EYS: variants seen among roughly 807,000 people sequenced by gnomAD.
EYS encodes protein eyes shut homolog.
A neutral mutation model predicts 282.1 loss-of-function variants in EYS; 250 were observed. That is an observed-to-expected ratio of 0.89 (90% CI 0.80 to 0.98). The LOEUF is 0.98. Among genes scored for constraint, EYS ranks in the 50% least tolerant of loss-of-function variants. The pLI is 0.00. For missense variants in EYS, 4,016 were observed against 3,709.0 expected, an observed-to-expected ratio of 1.08 and a Z score of -2.15; for synonymous variants, 1,355 against 1,282.9, an observed-to-expected ratio of 1.06 and a Z score of -1.20.
intron 33 of EYS, among the ~76,000 whole-genome samples, chr6:64,000,196 T>G (rs1327422619): frequency 9.0e-6 from 1 of 111,648 alleles, no homozygotes; most frequent in Non-Finnish European, 1.8e-5. Context: ...TTTTTTTTTT[T>G]TTTTTTTTTT....
intron 29 of EYS, among the ~76,000 whole-genome samples, chr6:64,350,156 AT>A (rs1338567327): frequency 6.6e-6 from 1 of 151,462 alleles, no homozygotes; most frequent in African/African-American, 2.4e-5. Flanking sequence ...TAATGATAAC[AT>A]TTTTTGTCAT....
chr6:64,263,978 A>G (rs1767673367), intron 30 of EYS, among the ~76,000 whole-genome samples: 1 of 152,172 alleles, frequency 6.6e-6, no homozygotes, highest in South Asian at 2.1e-4. Context: ...TATATTTACA[A>G]AGGCAGATTT....
intron 26 of EYS, among the ~76,000 whole-genome samples, chr6:64,490,477 T>A (rs1241409054): frequency 6.6e-6 from 1 of 150,902 alleles, no homozygotes; most frequent in African/African-American, 2.4e-5. Context: ...GGCAAACTCT[T>A]ATAACTCAGA....
chr6:65,065,598 G>A (rs999612351), intron 12 of EYS, among the ~76,000 whole-genome samples: 1 of 151,644 alleles, frequency 6.6e-6, no homozygotes, highest in Non-Finnish European at 1.5e-5. Context: ...CATTAGCCAG[G>A]ATGGTCTCAA....
intron 29 of EYS, among the ~76,000 whole-genome samples, chr6:64,330,693 A>G (rs1770611005): frequency 6.6e-6 from 1 of 152,196 alleles, no homozygotes; most frequent in African/African-American, 2.4e-5. Flanking sequence ...TAACAAGCTC[A>G]CATTTGGACA....
rs183182973 is a variant in EYS, at chr6:65,360,241, T to C, written c.1300-6624A>G. ...TTCTAAAATATCTTATTCTATCCAA[T>C]TTAAAGAAATGTAATGATCTTTCAA... On this transcript the variant is annotated intron_variant, in intron 8 of 42. Coordinates refer to ENST00000503581, the MANE Select transcript of EYS (RefSeq NM_001142800.2). Among the ~76,000 whole-genome samples the C allele has an allele frequency of 2.0e-5, 3 of 152,092 alleles. No homozygotes were observed. In the East Asian group the frequency reaches 5.8e-4, roughly 29 times the overall value.
At chr6:64,355,934 C>G (rs1483657771) in intron 29 of EYS, among the ~76,000 whole-genome samples, 3 of 151,614 alleles carry the variant, frequency 2.0e-5, no homozygotes, top group Admixed American at 2.0e-4. Flanking sequence ...TGATCAGAAA[C>G]TTTAAGATGC....
rs115152602 is a variant in EYS, at chr6:64,081,433, G to T, written c.6571+423C>A. Among the ~76,000 whole-genome samples, 1,022 of 152,196 alleles carry T rather than the reference G, an allele frequency of 6.7e-3. 10 individuals are homozygous for T. The highest frequency in any genetic ancestry group is 0.023 in the African/African-American group (945 of 41,546). ...AAAACCAGCTTATATCAAGATAATA[G>T]ATGTTACTAAAAGAGTGGTAGGAAT... is the stretch of plus-strand genomic sequence containing the variant. On this transcript the variant is annotated intron_variant, in intron 32 of 42. Transcript: ENST00000503581.
chr6:65,611,895 A>T (rs1165518105), intron 2 of EYS, among the ~76,000 whole-genome samples: 3 of 152,090 alleles, frequency 2.0e-5, no homozygotes, highest in Non-Finnish European at 4.4e-5. Context: ...CTCAAAAGGT[A>T]TATCAACAGA....
At position 64,898,527 on chromosome 6, in the gene EYS, C is replaced by T. The variant is rs370720566; in HGVS notation, c.2846+3586G>A. The stretch of plus-strand genomic sequence containing the variant: ...CAAAATGTAAAGACCATTGACACTA[C>T]GAAGAAACTGCATCAACTAATGGGC... On this transcript the variant is annotated intron_variant, in intron 18 of 42. Coordinates refer to ENST00000503581, the MANE Select transcript of EYS (RefSeq NM_001142800.2). Among the ~76,000 whole-genome samples, 72 of 151,944 alleles carry T rather than the reference C, an allele frequency of 4.7e-4. 1 individual carries two copies. The East Asian group carries it at 6.4e-3, about 13-fold the overall frequency.
At chr6:64,581,241 C>T (rs1375535959) in intron 26 of EYS, among the ~76,000 whole-genome samples, 1 of 151,960 alleles carries the variant, frequency 6.6e-6, no homozygotes, top group African/African-American at 2.4e-5. Context: ...AGGATTCTAA[C>T]ATTTAAGTGG....
chr6:65,488,066 T>G (rs960493250), intron 5 of EYS, among the ~76,000 whole-genome samples: 2 of 152,196 alleles, frequency 1.3e-5, no homozygotes, highest in Admixed American at 1.3e-4. Context: ...CTTCTCTCTT[T>G]TCTTCTTTAG....
At chr6:63,772,479 G>A (rs1006194941) in intron 40 of EYS, among the ~76,000 whole-genome samples, 1 of 151,816 alleles carries the variant, frequency 6.6e-6, no homozygotes, top group African/African-American at 2.4e-5. Context: ...TGCTATTTGG[G>A]TATTTTTATA....
At chr6:64,095,885 G>A (rs1772588527) in intron 31 of EYS, among the ~76,000 whole-genome samples, 1 of 152,190 alleles carries the variant, frequency 6.6e-6, no homozygotes, top group African/African-American at 2.4e-5. Context: ...TTTTGCAGTG[G>A]CTGGTACCGG....
intron 30 of EYS, among the ~76,000 whole-genome samples, chr6:64,296,035 A>G (rs890556895): frequency 1.3e-5 from 2 of 152,346 alleles, no homozygotes; most frequent in East Asian, 3.9e-4. Context: ...TTCAAAATGC[A>G]GATAGAGCAA....
intron 35 of EYS, among the ~76,000 whole-genome samples, chr6:63,883,294 C>T (rs1304012941): frequency 1.3e-5 from 2 of 152,170 alleles, no homozygotes; most frequent in African/African-American, 4.8e-5. Flanking sequence ...CCTTGGTGTG[C>T]CATGCCACAT....
In EYS at chr6:63,720,621, C is replaced by G. The variant is rs1210659365; in HGVS notation, c.9410G>C (p.Gly3137Ala). 1 of 1,498,316 alleles carries G rather than the reference C, an allele frequency of 6.7e-7. No individual in the cohort carries two copies. Among genetic ancestry groups the G allele is most frequent in the Non-Finnish European group, 8.9e-7 (1 of 1,121,548 alleles). The allele number at this position is 1,498,316 out of a possible 1,614,324, so 92.8% of individuals were successfully genotyped here. Residue 3137 changes from glycine (G) to alanine (A), a missense_variant, in exon 43 of 43, where the codon GGA becomes GCA. By Grantham distance (60) the Gly-to-Ala change is moderately conservative. Coordinates refer to ENST00000503581, the MANE Select transcript of EYS (RefSeq NM_001142800.2). ...TTATGTAACCTCATTTTGTTCATCT[C>G]CATCATAAACATTGTATCCTTCTAA... ...IKLEGYNVYD[G>A]DEQNEVT
At chr6:64,383,761 T>C (rs1772822661) in intron 29 of EYS, among the ~76,000 whole-genome samples, 1 of 152,228 alleles carries the variant, frequency 6.6e-6, no homozygotes, top group African/African-American at 2.4e-5. Flanking sequence ...ATCCCTGTAA[T>C]TTACAAAACC....
intron 26 of EYS, among the ~76,000 whole-genome samples, chr6:64,548,245 T>A (rs573180251): frequency 6.6e-6 from 1 of 152,270 alleles, no homozygotes; most frequent in Non-Finnish European, 1.5e-5. Context: ...GTAAACTAGT[T>A]CAACCATTGT....
Sources: allele counts gnomAD v4.1 joint callset (sites outside exome capture counted in the v4.1 genomes callset), GRCh38; gene constraint gnomAD v4.1.1; transcripts MANE v1.5; gene names NCBI Gene and HGNC (gene_info 2026-07-23, HGNC 2026-07-21).